CTNNA3: variants seen among roughly 807,000 people sequenced by gnomAD.
CTNNA3 encodes the protein catenin alpha-3.
A neutral mutation model predicts 95.7 loss-of-function variants in CTNNA3; 76 were observed. The ratio of observed to expected loss-of-function variants is 0.79; its 90% confidence interval spans 0.66 to 0.96. The LOEUF is 0.96. Among genes scored for constraint, CTNNA3 ranks in the 40% least tolerant of loss-of-function variants. The pLI, the probability that CTNNA3 is intolerant of heterozygous loss-of-function variation, is 0.00. For missense variants in CTNNA3, 1,191 were observed against 1,089.8 expected, an observed-to-expected ratio of 1.09 and a Z score of -1.31; for synonymous variants, 431 against 374.4, an observed-to-expected ratio of 1.15 and a Z score of -1.74.
In CTNNA3 at chr10:66,371,238, A is replaced by G. The variant is rs115988167; in HGVS notation, c.1732+7914T>C. ...TTAAAGAAAGAAGAAACCTCAGTAT[A>G]TCACTGAAGGGTAAACGTTCCCCCT... On this transcript the variant is annotated intron_variant, in intron 12 of 17. Coordinates refer to ENST00000433211, the MANE Select transcript of CTNNA3 (RefSeq NM_013266.4). Among the ~76,000 whole-genome samples, 823 of 152,280 alleles carry G rather than the reference A, an allele frequency of 5.4e-3. 10 individuals are homozygous for G. The highest frequency in any genetic ancestry group is 0.014 in the African/African-American group (573 of 41,570).
intron 5 of CTNNA3, among the ~76,000 whole-genome samples, chr10:67,339,645 G>GT (rs5785822): frequency 1 from 152,271 of 152,292 alleles, 76,125 homozygotes; most frequent in Non-Finnish European, 1. Flanking sequence ...AATACAACAT[G>GT]TTCTGATATA....
At chr10:66,402,388 G>A (rs2093027747) in intron 11 of CTNNA3, among the ~76,000 whole-genome samples, 1 of 141,604 alleles carries the variant, frequency 7.1e-6, no homozygotes, top group Non-Finnish European at 1.5e-5. Context: ...TAAATGTTCA[G>A]TACCAAAAAG....
intron 13 of CTNNA3, among the ~76,000 whole-genome samples, chr10:66,189,578 T>C (rs2086541341): frequency 7.6e-6 from 1 of 130,866 alleles, no homozygotes; most frequent in Admixed American, 7.3e-5. Flanking sequence ...GCCAGTACCA[T>C]ACTGTTTTAG....
At chr10:66,949,745 G>A (rs1412601398) in intron 7 of CTNNA3, among the ~76,000 whole-genome samples, 1 of 152,142 alleles carries the variant, frequency 6.6e-6, no homozygotes, top group Non-Finnish European at 1.5e-5. Context: ...CAGCAGACTT[G>A]CTAGACACAG....
In CTNNA3 at chr10:66,069,309, T is replaced by G. The variant is rs143867269; in HGVS notation, c.2158A>C (p.Arg720=). The change falls in exon 15 of 18, where the codon AGG becomes CGG. Residue 720 remains arginine (R), a splice_region_variant and synonymous_variant. Coordinates refer to ENST00000433211, the MANE Select transcript of CTNNA3 (RefSeq NM_013266.4). Reference sequence around the variant, plus strand: ...ACACATCGTTTTCCACATAATTACCTAGTGAAGTCTGTCATCTCCATCATG... The same window carrying G: ...ACACATCGTTTTCCACATAATTACCGAGTGAAGTCTGTCATCTCCATCATG... ...MIMMEMTDFT[R]GKGPLKHTTD... The G allele has an allele frequency of 3.1e-4, 504 of 1,612,698 alleles. 3 individuals are homozygous for G. The African/African-American group carries it at 5.5e-3, about 18-fold the overall frequency.
At chr10:67,239,383 A>C (rs1298190034) in intron 5 of CTNNA3, among the ~76,000 whole-genome samples, 1 of 151,950 alleles carries the variant, frequency 6.6e-6, no homozygotes, top group East Asian at 1.9e-4. Context: ...AAAAAAAAGC[A>C]AGACATAAAA....
chr10:66,164,072 G>C (rs1358485816), intron 13 of CTNNA3, among the ~76,000 whole-genome samples: 2 of 152,166 alleles, frequency 1.3e-5, no homozygotes, highest in Non-Finnish European at 2.9e-5. Context: ...AAAACTGTTT[G>C]AGAGCGTGCT....
intron 11 of CTNNA3, among the ~76,000 whole-genome samples, chr10:66,501,697 T>A (rs1456500773): frequency 6.6e-6 from 1 of 152,124 alleles, no homozygotes; most frequent in Non-Finnish European, 1.5e-5. Context: ...GTGAGAAACT[T>A]TTCAGCTTTA....
intron 9 of CTNNA3, among the ~76,000 whole-genome samples, chr10:66,742,486 T>C (rs1462818340): frequency 6.6e-6 from 1 of 152,160 alleles, no homozygotes; most frequent in African/African-American, 2.4e-5. Flanking sequence ...TTGTGAAGCA[T>C]GTGATCTCTG....
intron 10 of CTNNA3, among the ~76,000 whole-genome samples, chr10:66,592,307 T>A (rs1843580303): frequency 6.6e-6 from 1 of 151,934 alleles, no homozygotes; most frequent in African/African-American, 2.4e-5. Flanking sequence ...GAAACAGAAG[T>A]TCCATAAATG....
At chr10:66,109,473 T>C (rs1240464612) in intron 13 of CTNNA3, among the ~76,000 whole-genome samples, 2 of 152,198 alleles carry the variant, frequency 1.3e-5, no homozygotes, top group African/African-American at 4.8e-5. Flanking sequence ...ATTAAATATG[T>C]TTCCAGACAT....
intron 9 of CTNNA3, among the ~76,000 whole-genome samples, chr10:66,675,436 C>A (rs1157169688): frequency 6.6e-6 from 1 of 151,874 alleles, no homozygotes; most frequent in Non-Finnish European, 1.5e-5. Context: ...TATTTTGGAT[C>A]TTGAAAATAA....
intron 12 of CTNNA3, among the ~76,000 whole-genome samples, chr10:66,359,707 T>C (rs1160555636): frequency 6.6e-6 from 1 of 152,114 alleles, no homozygotes; most frequent in Non-Finnish European, 1.5e-5. Flanking sequence ...TTATGTCTTA[T>C]TTATTTTGTC....
chr10:66,081,577 C>T (rs1302885629), intron 14 of CTNNA3, among the ~76,000 whole-genome samples: 1 of 152,040 alleles, frequency 6.6e-6, no homozygotes, highest in Non-Finnish European at 1.5e-5. Flanking sequence ...GGTTAAACTC[C>T]ATAGACTACA....
intron 12 of CTNNA3, among the ~76,000 whole-genome samples, chr10:66,333,970 T>G (rs2092363666): frequency 6.6e-6 from 1 of 152,142 alleles, no homozygotes; most frequent in African/African-American, 2.4e-5. Flanking sequence ...ATTGATCCCT[T>G]TAACATTATG....
intron 12 of CTNNA3, among the ~76,000 whole-genome samples, chr10:66,367,904 T>G (rs375915186): frequency 1.1e-5 from 1 of 89,272 alleles, no homozygotes; most frequent in Admixed American, 1.2e-4. Flanking sequence ...TTATTATTAT[T>G]ATTATTATTA....
intron 5 of CTNNA3, among the ~76,000 whole-genome samples, chr10:67,427,034 A>C (rs1845945962): frequency 6.6e-6 from 1 of 152,028 alleles, no homozygotes; most frequent in Non-Finnish European, 1.5e-5. Flanking sequence ...GTGGTAATTA[A>C]TTTTTAATTT....
chr10:66,433,207 C>A (rs2093311302), intron 11 of CTNNA3, among the ~76,000 whole-genome samples: 1 of 152,110 alleles, frequency 6.6e-6, no homozygotes, highest in African/African-American at 2.4e-5. Flanking sequence ...GGTTTTAGAT[C>A]CCTGAGGAAT....
intron 16 of CTNNA3, among the ~76,000 whole-genome samples, chr10:65,976,389 C>A (rs1453338206): frequency 6.6e-6 from 1 of 152,078 alleles, no homozygotes; most frequent in East Asian, 1.9e-4. Flanking sequence ...CAAGTTTAAG[C>A]AAAACATGCT....
Sources: gnomAD v4.1 joint callset for allele counts (sites outside exome capture counted in the v4.1 genomes callset) on GRCh38, gnomAD v4.1.1 for gene constraint, MANE v1.5 for transcripts, NCBI Gene and HGNC (gene_info 2026-07-23, HGNC 2026-07-21) for gene names.